Variants in FRYL observed in about 807,000 individuals in gnomAD.
FRYL encodes the protein protein furry homolog-like.
A neutral mutation model predicts 351.2 loss-of-function variants in FRYL; 150 were observed. The ratio of observed to expected loss-of-function variants is 0.43; its 90% CI spans 0.37 to 0.49. FRYL has a LOEUF of 0.49. FRYL is among the 20% of genes least tolerant of loss of function. The probability of loss-of-function intolerance (pLI) is 0.00; values close to 1 mark genes in which losing one functional copy is unlikely to be tolerated. For synonymous variants in FRYL, 1,153 were observed against 1,257.1 expected (o/e 0.92, Z 1.75); for missense variants, 3,036 against 3,619.3 (o/e 0.84, Z 4.13).
chr4:48,737,027 C>A (rs551717962), intron 1 of FRYL, among the ~76,000 whole-genome samples: 1 of 151,762 alleles, frequency 6.6e-6, no homozygotes, highest in Admixed American at 6.6e-5. Context: ...CACCTTTGAT[C>A]CCAGCACTTT....
At chr4:48,667,849 T>G (rs1036044429) in intron 3 of FRYL, among the ~76,000 whole-genome samples, 9 of 152,210 alleles carry the variant, frequency 5.9e-5, no homozygotes, top group African/African-American at 2.2e-4. Flanking sequence ...GATTTCACCA[T>G]GTTGGCCATG....
Position 48,498,522 on chromosome 4 carries a change from GTC to G in FRYL, c.*898_*899del, listed in dbSNP as rs1276358010. Reference sequence around the variant, plus strand: ...ATACATCTTTATTTTACATTTTAAAGTCTCTGCAGGCATCTACTTTGGTTAGT... The same window carrying G: ...ATACATCTTTATTTTACATTTTAAAGTCTGCAGGCATCTACTTTGGTTAGT... On this transcript the variant is annotated 3_prime_UTR_variant, in exon 64 of 64. Transcript: ENST00000358350. 3.9e-5 allele frequency: 6 copies of G among 152,560 alleles called. No homozygotes were observed. Among genetic ancestry groups the G allele is most frequent in the Admixed American group, 1.3e-4 (2 of 15,276 alleles). 9.5% of individuals were successfully genotyped at this position (152,560 alleles called of 1,614,324 possible). A position where few individuals can be genotyped will look rare whatever the true frequency, so the allele number is the denominator to read the frequency against.
At chr4:48,575,051 T>TC in intron 25 of FRYL, 66 bp downstream of exon 25, 1 of 1,550,604 alleles carries the variant, frequency 6.4e-7, no homozygotes, top group Non-Finnish European at 8.9e-7. Flanking sequence ...CTAAGGACCC[T>TC]ACCACACCTT....
chr4:48,595,645 A>G lies in FRYL; in HGVS notation c.1193T>C (p.Val398Ala). The part of the protein sequence containing the change: ...ALFPKGSRSV[V>A]PRDTPLNIFV... ...TATATTGAGAGGTGTGTCACGAGGAACCACACTTCGTGAGCCTTTTGGAAA... is the reference window on the plus strand; with the variant it reads ...TATATTGAGAGGTGTGTCACGAGGAGCCACACTTCGTGAGCCTTTTGGAAA... Residue 398 changes from valine to alanine, a missense_variant, in exon 15 of 64, where the codon GTT becomes GCT. By Grantham distance (64) the Val-to-Ala change is moderately conservative (BLOSUM62 0). Coordinates refer to ENST00000358350, the MANE Select transcript of FRYL (RefSeq NM_015030.2). 6.2e-7 allele frequency: 1 copy of G among 1,613,486 alleles called. No individual in the cohort carries two copies. The highest frequency in any genetic ancestry group is 8.5e-7 in the Non-Finnish European group (1 of 1,179,616).
At chr4:48,643,895 TAA>T (rs900525260) in intron 3 of FRYL, among the ~76,000 whole-genome samples, 21 of 152,198 alleles carry the variant, frequency 1.4e-4, no homozygotes, top group African/African-American at 4.3e-4. Flanking sequence ...GGATTTATCA[TAA>T]GTGTCAATTT....
Position 48,630,869 on chromosome 4 carries a change from T to A in FRYL, c.120+3422A>T, listed in dbSNP as rs1251305712. On this transcript the variant is annotated intron_variant, in intron 4 of 63. Coordinates refer to ENST00000358350, the MANE Select transcript of FRYL (RefSeq NM_015030.2). ...TGACTGACCATGAGCAAGGCCAGCC[T>A]CCTTGTATCTGACAAGCCCTGGATG... 5.9e-5 allele frequency among the ~76,000 whole-genome samples: 9 copies of A among 152,316 alleles called. No homozygotes were observed. In the South Asian group the frequency reaches 1.7e-3, roughly 28 times the overall value.
chr4:48,716,586 C>G (rs1299853155), intron 1 of FRYL, among the ~76,000 whole-genome samples: 1 of 151,618 alleles, frequency 6.6e-6, no homozygotes, highest in Non-Finnish European at 1.5e-5. Flanking sequence ...CATCTCACAC[C>G]AGTTAGAATG....
chr4:48,558,269 T>C (rs1010908029), intron 33 of FRYL, among the ~76,000 whole-genome samples: 1 of 152,224 alleles, frequency 6.6e-6, no homozygotes. Context: ...TCCTGTCATA[T>C]GCCACAACGG....
intron 55 of FRYL, among the ~76,000 whole-genome samples, chr4:48,519,005 T>C (rs1724304249): frequency 1.3e-5 from 2 of 152,244 alleles, no homozygotes; most frequent in Non-Finnish European, 2.9e-5. Context: ...ACTGGTCACA[T>C]AAATGAATGC....
At chr4:48,536,013 G>C (rs941580995) in intron 47 of FRYL, among the ~76,000 whole-genome samples, 186 bp from the exon 48 acceptor site, 7 of 152,190 alleles carry the variant, frequency 4.6e-5, no homozygotes, top group African/African-American at 1.7e-4. Flanking sequence ...AGAATAGTAA[G>C]AGCTAATACA....
At chr4:48,699,348 T>TA (rs780486383) in intron 2 of FRYL, among the ~76,000 whole-genome samples, 15 of 152,124 alleles carry the variant, frequency 9.9e-5, no homozygotes, top group Non-Finnish European at 1.6e-4. Context: ...CATGAAAACA[T>TA]AAGAGTTTGC....
rs1356495940 is a variant in FRYL, at chr4:48,567,830, ATAAT to A, written c.2997-414_2997-411del. On this transcript the variant is annotated intron_variant, in intron 27 of 63. Transcript: ENST00000358350. The surrounding 1 kb of genome is among the most constrained non-coding windows in gnomAD (Gnocchi z 4.2). ...TGTCTATTCATATTGTGCCTTCAGCATAATTAAATATCTATTAGTCACTTAGTAA... is the reference window on the plus strand; with the variant it reads ...TGTCTATTCATATTGTGCCTTCAGCATAAATATCTATTAGTCACTTAGTAA... 6.6e-6 allele frequency among the ~76,000 whole-genome samples: 1 copy of A among 152,248 alleles called. No individual in the cohort carries two copies. Among genetic ancestry groups the A allele is most frequent in the Non-Finnish European group, 1.5e-5 (1 of 68,042 alleles).
intron 36 of FRYL, 21 bp downstream of exon 36, chr4:48,553,194 C>A (rs753610544): frequency 6.3e-7 from 1 of 1,596,656 alleles, no homozygotes; most frequent in African/African-American, 1.3e-5. Flanking sequence ...ACACAGCAAT[C>A]GGTTTTAACA....
At chr4:48,593,793 G>A (rs1744038863) in intron 16 of FRYL, 137 bp downstream of exon 16, 1 of 466,896 alleles carries the variant, frequency 2.1e-6, no homozygotes, top group Non-Finnish European at 3.8e-6. Flanking sequence ...CTATTAGAAA[G>A]GTTAAGTAAC....
At position 48,534,633 on chromosome 4, in the gene FRYL, T is replaced by C. The variant is rs767564356; in HGVS notation, c.6617A>G (p.Tyr2206Cys). ...CAGGTCAATATGACTCAATAGACTA[T>C]AAATAATCTGTAGTAATGATTGCTG... is the stretch of plus-strand genomic sequence containing the variant. The part of the protein sequence containing the change: ...SMQQSLLQII[Y>C]SLLSHIDLSA... The change falls in exon 49 of 64, where the codon TAT becomes TGT. Residue 2206 changes from tyrosine to cysteine, a missense_variant. This residue lies in a region of FRYL where 1,987 missense variants were observed against 2,311.7 expected (regional missense o/e 0.86). Transcript: ENST00000358350. 2.5e-6 allele frequency: 4 copies of C among 1,594,140 alleles called. No individual in the cohort carries two copies. The South Asian group carries it at 4.4e-5, about 18-fold the overall frequency.
chr4:48,623,259 A>C, intron 4 of FRYL, 80 bp from the exon 5 acceptor site: 1 of 849,754 alleles, frequency 1.2e-6, no homozygotes, highest in Admixed American at 3.3e-5. Context: ...CATAATAAAC[A>C]GTTTAGATTT....
rs902793254 is a variant in FRYL, at chr4:48,723,897, G to A, written c.-383-13199C>T. Among the ~76,000 whole-genome samples the A allele has an allele frequency of 3.4e-5, 5 of 148,374 alleles. 1 individual carries two copies. The highest frequency in any genetic ancestry group is 2.5e-5 in the African/African-American group (1 of 40,212). ...ACCCAGGAGTTTGAGACCAGCCCAG[G>A]CAATATAGTAAGACCCCAACTCTAC... is the stretch of plus-strand genomic sequence containing the variant. On this transcript the variant is annotated intron_variant, in intron 1 of 63. Transcript: ENST00000358350.
At chr4:48,585,194 T>C (rs1485463800) in intron 19 of FRYL, among the ~76,000 whole-genome samples, 1 of 152,214 alleles carries the variant, frequency 6.6e-6, no homozygotes, top group Non-Finnish European at 1.5e-5. Flanking sequence ...TCATAAATAA[T>C]TAATGTTTCT....
At chr4:48,534,236 CA>C (rs1728381608) in intron 49 of FRYL, among the ~76,000 whole-genome samples, 1 of 152,078 alleles carries the variant, frequency 6.6e-6, no homozygotes, top group African/African-American at 2.4e-5. Context: ...AAAACAAAAA[CA>C]AAAACAACCA....
Sources: allele counts gnomAD v4.1 joint callset (sites outside exome capture counted in the v4.1 genomes callset), GRCh38; gene constraint gnomAD v4.1.1; regional missense constraint gnomAD v4.1.1; non-coding constraint Gnocchi (gnomAD v3.1); transcripts MANE v1.5; gene names NCBI Gene and HGNC (gene_info 2026-07-23, HGNC 2026-07-21).